The following DNAH5 variants were observed in gnomAD, a reference collection of about 807,000 sequenced individuals.
The protein encoded by DNAH5 is dynein axonemal heavy chain 5, also known as axonemal beta dynein heavy chain 5.
Under a neutral mutation model 518.2 loss-of-function variants are expected in DNAH5, and 372 were observed. The ratio of observed to expected loss-of-function variants is 0.72; its 90% CI spans 0.66 to 0.78. The LOEUF (loss-of-function observed/expected upper bound fraction) is 0.78. Ranked by LOEUF, DNAH5 falls within the 30% of genes least tolerant of loss-of-function variation. The pLI is 0.00. For synonymous variants in DNAH5, 2,039 were observed against 2,025.9 expected (o/e 1.01, Z -0.17); for missense variants, 5,523 against 5,687.0 (o/e 0.97, Z 0.93).
chr5:13,729,829 G>A (rs1746246111), intron 68 of DNAH5, among the ~76,000 whole-genome samples: 1 of 152,162 alleles, frequency 6.6e-6, no homozygotes, highest in Non-Finnish European at 1.5e-5. Context: ...TCTGAGACAA[G>A]CCATTTCATT....
chr5:13,728,597 A>C (rs1369264839), intron 69 of DNAH5, among the ~76,000 whole-genome samples: 1 of 152,192 alleles, frequency 6.6e-6, no homozygotes, highest in Non-Finnish European at 1.5e-5. Context: ...ACCCGAAAGA[A>C]TGGTTTGTAC....
intron 5 of DNAH5, among the ~76,000 whole-genome samples, chr5:13,921,781 A>C (rs1777332484): frequency 7.2e-6 from 1 of 138,122 alleles, no homozygotes; most frequent in Non-Finnish European, 1.5e-5. Context: ...CTTCAGTTCC[A>C]AATTCCTTTC....
chr5:13,984,274 T>G (rs1201406208), intron 1 of DNAH5, among the ~76,000 whole-genome samples: 1 of 152,224 alleles, frequency 6.6e-6, no homozygotes, highest in Non-Finnish European at 1.5e-5. Context: ...CTAGGTATTT[T>G]ATTCTCTTTG....
At chr5:13,817,774 T>C (rs1761645912) in intron 41 of DNAH5, 80 bp from the exon 42 acceptor site, 53 of 1,365,538 alleles carry the variant, frequency 3.9e-5, no homozygotes, top group Non-Finnish European at 5.5e-5. Flanking sequence ...TAATTTGTGG[T>C]GTACTGTCAG....
At chr5:13,779,570 G>A (rs1482618297) in intron 53 of DNAH5, among the ~76,000 whole-genome samples, 1 of 152,110 alleles carries the variant, frequency 6.6e-6, no homozygotes, top group Non-Finnish European at 1.5e-5. Context: ...TGGTCTCCTG[G>A]TTCTAACCTT....
At chr5:13,852,900 C>A (rs1190685377) in intron 30 of DNAH5, among the ~76,000 whole-genome samples, 1 of 152,216 alleles carries the variant, frequency 6.6e-6, no homozygotes. Flanking sequence ...TCTCATCTCC[C>A]TGGGACAGAG....
intron 68 of DNAH5, among the ~76,000 whole-genome samples, chr5:13,729,894 C>A (rs932938635): frequency 6.6e-6 from 1 of 152,158 alleles, no homozygotes; most frequent in Non-Finnish European, 1.5e-5. Flanking sequence ...ACCTGTGTCA[C>A]AATGTATGCG....
chr5:13,773,511 A>G (rs1021290908), intron 55 of DNAH5, among the ~76,000 whole-genome samples: 1 of 152,190 alleles, frequency 6.6e-6, no homozygotes, highest in Non-Finnish European at 1.5e-5. Flanking sequence ...GATCAAGGCC[A>G]TATTATGGAA....
intron 78 of DNAH5, among the ~76,000 whole-genome samples, chr5:13,699,336 C>A (rs1741770916): frequency 6.6e-6 from 1 of 152,152 alleles, no homozygotes; most frequent in African/African-American, 2.4e-5. Context: ...GGAGCTGGAT[C>A]TGGTTCATAA....
In DNAH5 at chr5:13,902,058, A is replaced by T; in HGVS notation, c.1725T>A (p.Phe575Leu). The change falls in exon 13 of 79, where the codon TTT (phenylalanine) becomes TTA (leucine). Residue 575 changes from phenylalanine to leucine, a missense_variant. Transcript: ENST00000265104. ...TNQALRMLKK[F>L]ERLNIPNLGI... ...CAATTTCTTGAAAATTTTACCTTTC[A>T]AATTTCTTCAACATTCTTAGAGCTT... The T allele has an allele frequency of 1.3e-6, 2 of 1,596,486 alleles. No individual in the cohort carries two copies. Among genetic ancestry groups the T allele is most frequent in the Non-Finnish European group, 1.7e-6 (2 of 1,168,258 alleles).
intron 57 of DNAH5, 27 bp downstream of exon 57, chr5:13,769,474 G>A: frequency 6.4e-7 from 1 of 1,559,528 alleles, no homozygotes. Flanking sequence ...CAAAAGGAAT[G>A]TGGCACATGT....
intron 75 of DNAH5, 37 bp downstream of exon 75, chr5:13,714,368 C>T (rs543570342): frequency 1.2e-6 from 2 of 1,604,462 alleles, no homozygotes; most frequent in Non-Finnish European, 1.7e-6. Context: ...AGATATGCAA[C>T]CCCAGCTGAC....
At chr5:13,804,246 G>C (rs1759222394) in intron 47 of DNAH5, among the ~76,000 whole-genome samples, 1 of 152,190 alleles carries the variant, frequency 6.6e-6, no homozygotes, top group Admixed American at 6.5e-5. Flanking sequence ...CTGAGACAAT[G>C]AAAGTAACCT....
chr5:13,699,272 G>T (rs1741761503), intron 78 of DNAH5, among the ~76,000 whole-genome samples: 1 of 152,130 alleles, frequency 6.6e-6, no homozygotes. Context: ...GTATCAATTT[G>T]TATTTTCATT....
intron 1 of DNAH5, chr5:13,932,598 T>G (rs1428371704): frequency 6.6e-6 from 1 of 152,234 alleles, no homozygotes; most frequent in Admixed American, 6.5e-5. Context: ...TTACAAAGTT[T>G]AACTGTTATG....
intron 31 of DNAH5, among the ~76,000 whole-genome samples, chr5:13,845,570 C>T (rs1053916506): frequency 6.6e-5 from 10 of 152,048 alleles, no homozygotes; most frequent in African/African-American, 2.2e-4. Context: ...TGAATGTTCC[C>T]GATCACTGAC....
At chr5:13,907,449 G>T (rs1775456081) in intron 12 of DNAH5, among the ~76,000 whole-genome samples, 1 of 151,998 alleles carries the variant, frequency 6.6e-6, no homozygotes, top group Non-Finnish European at 1.5e-5. Flanking sequence ...CCCAAAAAAA[G>T]AACCTGGGGG....
intron 61 of DNAH5, among the ~76,000 whole-genome samples, chr5:13,756,773 G>GGGTT (rs1216847638): frequency 1.3e-5 from 2 of 152,060 alleles, no homozygotes; most frequent in Non-Finnish European, 2.9e-5. Context: ...TGTGTCATGG[G>GGGTT]GGTTTGTTGT....
chr5:13,739,991 A>G (rs1419897001), intron 65 of DNAH5, among the ~76,000 whole-genome samples: 1 of 152,172 alleles, frequency 6.6e-6, no homozygotes, highest in African/African-American at 2.4e-5. Context: ...CACCATCAGC[A>G]AAACTAAACG....
Sources: allele counts gnomAD v4.1 joint callset (sites outside exome capture counted in the v4.1 genomes callset), GRCh38; gene constraint gnomAD v4.1.1; transcripts MANE v1.5; gene names NCBI Gene and HGNC (gene_info 2026-07-23, HGNC 2026-07-21).